Variants in KIRREL3 observed in about 807,000 individuals in gnomAD.
KIRREL3 encodes kirre like nephrin family adhesion molecule 3, also known as kin of IRRE-like protein 3.
In KIRREL3, 36 loss-of-function variants were observed where a neutral mutation model predicts 89.7. That is an observed-to-expected ratio of 0.40 (90% CI 0.31 to 0.53). KIRREL3 has a LOEUF of 0.53. Ranked by LOEUF, KIRREL3 falls within the 20% of genes least tolerant of loss-of-function variation. The probability of loss-of-function intolerance (pLI) is 0.49; values close to 1 mark genes in which losing one functional copy is unlikely to be tolerated. For synonymous variants in KIRREL3, 445 were observed against 441.4 expected (o/e 1.01, Z -0.10); for missense variants, 864 against 1,056.6 (o/e 0.82, Z 2.53).
At position 127,000,496 on chromosome 11, in the gene KIRREL3, T is replaced by G; in HGVS notation, c.14A>C (p.Gln5Pro). The G allele has an allele frequency of 4.4e-6, 7 of 1,607,658 alleles. No homozygotes were observed. Among genetic ancestry groups the G allele is most frequent in the Non-Finnish European group, 5.9e-6 (7 of 1,177,082 alleles). The change falls in exon 1 of 17, where the codon CAG (glutamine) becomes CCG (proline). Residue 5 changes from glutamine to proline, a missense_variant. By Grantham distance (76) the Gln-to-Pro change is moderately conservative. Transcript: ENST00000525144. This position sits in a 1 kb window ranked among gnomAD's most constrained non-coding sequence, Gnocchi z 7.1. Reference sequence around the variant, plus strand: ...GAAGCAGACGAAGAGCAGATCGAGCTGGAAGGGTTTCATTCCTTAGCGCAG... The same window carrying G: ...GAAGCAGACGAAGAGCAGATCGAGCGGGAAGGGTTTCATTCCTTAGCGCAG... MKPF[Q>P]LDLLFVCFFL...
rs1346073447 is a variant in KIRREL3, at chr11:126,697,969, T to C, written c.56-135057A>G. Among the ~76,000 whole-genome samples the C allele has an allele frequency of 2.6e-5, 4 of 152,136 alleles. No individual in the cohort carries two copies. The highest frequency in any genetic ancestry group is 9.7e-5 in the African/African-American group (4 of 41,440). On this transcript the variant is annotated intron_variant, in intron 1 of 16. Coordinates refer to ENST00000525144, the MANE Select transcript of KIRREL3 (RefSeq NM_032531.4). The surrounding 1 kb of genome is among the most constrained non-coding windows in gnomAD (Gnocchi z 4.2). ...CTGAGCAAGTGCCAAGAAGGGAAGA[T>C]GACAACGCTGGTGAAGTCTGAACAA...
rs994683569 is a variant in KIRREL3, at chr11:126,501,189, G to A, written c.433+20126C>T. 6.6e-6 allele frequency among the ~76,000 whole-genome samples: 1 copy of A among 152,252 alleles called. No homozygotes were observed. Among genetic ancestry groups the A allele is most frequent in the African/African-American group, 2.4e-5 (1 of 41,470 alleles). On this transcript the variant is annotated intron_variant, in intron 4 of 16. Transcript: ENST00000525144. This position sits in a 1 kb window ranked among gnomAD's most constrained non-coding sequence, Gnocchi z 5.8. ...CCCACACTTTTCTCTGCACGTCTGA[G>A]GAGTCCAGGAGGACTGGCTGAGGCT...
intron 1 of KIRREL3, among the ~76,000 whole-genome samples, chr11:126,786,102 A>G (rs959689812): frequency 2.6e-5 from 4 of 152,276 alleles, no homozygotes; most frequent in African/African-American, 9.6e-5. Context: ...ACAGTTGAGA[A>G]ATGGTTAAAT....
chr11:126,765,980 C>T (rs1949811966), intron 1 of KIRREL3, among the ~76,000 whole-genome samples: 2 of 152,154 alleles, frequency 1.3e-5, no homozygotes, highest in Non-Finnish European at 1.5e-5. Context: ...AATCCATCAT[C>T]AGCTACCTGA....
chr11:126,713,378 C>G (rs562160844), intron 1 of KIRREL3, among the ~76,000 whole-genome samples: 1 of 152,302 alleles, frequency 6.6e-6, no homozygotes, highest in East Asian at 1.9e-4. Flanking sequence ...GAGGGCAGGG[C>G]TAGGGGCAGG....
chr11:126,845,301 C>T (rs549045020), intron 1 of KIRREL3, among the ~76,000 whole-genome samples: 131 of 152,288 alleles, frequency 8.6e-4, no homozygotes, highest in Non-Finnish European at 1.7e-3. Flanking sequence ...GGCATGCTGG[C>T]AAAAGGGTAA....
At chr11:126,818,424 G>A (rs1339391672) in intron 1 of KIRREL3, among the ~76,000 whole-genome samples, 2 of 152,120 alleles carry the variant, frequency 1.3e-5, no homozygotes, top group East Asian at 1.9e-4. Context: ...TAGTTGTGTG[G>A]CTTTAGGCAC....
In KIRREL3 at chr11:126,522,710, A is replaced by G. The variant is rs1345344141; in HGVS notation, c.284-1246T>C. On this transcript the variant is annotated intron_variant, in intron 3 of 16. Transcript: ENST00000525144. The surrounding 1 kb of genome is among the most constrained non-coding windows in gnomAD (Gnocchi z 6.0). ...CACCTCCCTATTTCTCTTTCCATCC[A>G]TCTCCTCACTGAGGTCTGCCCTCCC... Among the ~76,000 whole-genome samples the G allele has an allele frequency of 6.6e-6, 1 of 151,964 alleles. No homozygotes were observed. The highest frequency in any genetic ancestry group is 6.6e-5 in the Admixed American group (1 of 15,260).
chr11:126,764,301 G>T lies in KIRREL3; in HGVS notation c.56-201389C>A, dbSNP rs1949751786. Among the ~76,000 whole-genome samples, 1 of 152,008 alleles carries T rather than the reference G, an allele frequency of 6.6e-6. No individual in the cohort carries two copies. Among genetic ancestry groups the T allele is most frequent in the African/African-American group, 2.4e-5 (1 of 41,356 alleles). ...AAATGTCCATTCTGTCAGGCGCCCT[G>T]CCTCTTGCCACCTCTTTCTTAGCTA... On this transcript the variant is annotated intron_variant, in intron 1 of 16. Coordinates refer to ENST00000525144, the MANE Select transcript of KIRREL3 (RefSeq NM_032531.4). The surrounding 1 kb of genome is among the most constrained non-coding windows in gnomAD (Gnocchi z 4.2).
rs5795521 is a variant in KIRREL3 at position 126,774,164 on chromosome 11, C to CTTT, written c.56-211255_56-211253dup. Among the ~76,000 whole-genome samples, 189 of 137,138 alleles carry CTTT rather than the reference C, an allele frequency of 1.4e-3. 1 individual carries two copies. The highest frequency in any genetic ancestry group is 4.8e-3 in the African/African-American group (175 of 36,668). 90.0% of individuals were successfully genotyped at this position (137,138 alleles called of 152,430 possible). A position where few individuals can be genotyped will look rare whatever the true frequency, so the allele number is the denominator to read the frequency against. ...CAACATAAATAAGTAGAGAGTAAAGCTTTTTTTTTTTTTTTTTTTAAATAA... is the reference window on the plus strand; with the variant it reads ...CAACATAAATAAGTAGAGAGTAAAGCTTTTTTTTTTTTTTTTTTTTTTAAATAA... On this transcript the variant is annotated intron_variant, in intron 1 of 16. Transcript: ENST00000525144.
intron 1 of KIRREL3, among the ~76,000 whole-genome samples, chr11:126,828,473 TA>T (rs1943492009): frequency 6.6e-6 from 1 of 152,178 alleles, no homozygotes; most frequent in South Asian, 2.1e-4. Flanking sequence ...TGTGGCAGTA[TA>T]AAATAATATG....
intron 1 of KIRREL3, among the ~76,000 whole-genome samples, chr11:126,960,521 A>C (rs1178551648): frequency 1.3e-5 from 2 of 152,188 alleles, no homozygotes; most frequent in Non-Finnish European, 2.9e-5. Context: ...CTAACTCATC[A>C]AGACGGATCT....
At position 126,654,755 on chromosome 11, in the gene KIRREL3, CTT is replaced by C. The variant is rs773936969; in HGVS notation, c.56-91845_56-91844del. 2.0e-5 allele frequency among the ~76,000 whole-genome samples: 3 copies of C among 152,102 alleles called. No homozygotes were observed. In the East Asian group the frequency reaches 5.8e-4, roughly 29 times the overall value. ...TTGAAGGTCAATGGATATTGTGTAT[CTT>C]TTTTCTACACTGCTTCAATGCTTTT... is the stretch of plus-strand genomic sequence containing the variant. On this transcript the variant is annotated intron_variant, in intron 1 of 16. Transcript: ENST00000525144.
intron 1 of KIRREL3, among the ~76,000 whole-genome samples, chr11:126,716,090 A>G (rs1947948440): frequency 6.6e-6 from 1 of 151,976 alleles, no homozygotes; most frequent in African/African-American, 2.4e-5. Context: ...AAGGAAAAAG[A>G]AGAAAGGAGA....
chr11:126,789,493 A>T (rs1163166332), intron 1 of KIRREL3, among the ~76,000 whole-genome samples: 1 of 152,138 alleles, frequency 6.6e-6, no homozygotes, highest in Non-Finnish European at 1.5e-5. Context: ...AATTGGAAAA[A>T]GTTGTCTGTA....
At chr11:126,595,012 G>A (rs1483836306) in intron 1 of KIRREL3, among the ~76,000 whole-genome samples, 2 of 152,372 alleles carry the variant, frequency 1.3e-5, no homozygotes, top group East Asian at 1.9e-4. Context: ...ACCCCGTCCT[G>A]AGCGTGCCCT....
At chr11:126,848,624 T>A (rs1327469812) in intron 1 of KIRREL3, among the ~76,000 whole-genome samples, 1 of 152,240 alleles carries the variant, frequency 6.6e-6, no homozygotes. Flanking sequence ...GCCCAGTTCA[T>A]GGAAAGCCTT....
At chr11:126,868,132 C>T (rs1294192261) in intron 1 of KIRREL3, among the ~76,000 whole-genome samples, 2 of 152,028 alleles carry the variant, frequency 1.3e-5, no homozygotes, top group Non-Finnish European at 2.9e-5. Flanking sequence ...TCGTATTGGA[C>T]TACTTCAAAT....
intron 1 of KIRREL3, among the ~76,000 whole-genome samples, chr11:126,700,400 A>G (rs1420128069): frequency 6.6e-6 from 1 of 152,136 alleles, no homozygotes; most frequent in Non-Finnish European, 1.5e-5. Flanking sequence ...TCTTAAGAAC[A>G]CTCTGAAGAA....
Sources: gnomAD v4.1 joint callset for allele counts (sites outside exome capture counted in the v4.1 genomes callset) on GRCh38, gnomAD v4.1.1 for gene constraint, Gnocchi (gnomAD v3.1) non-coding constraint, MANE v1.5 for transcripts, NCBI Gene and HGNC (gene_info 2026-07-23, HGNC 2026-07-21) for gene names.